TUSC3: variants seen among roughly 807,000 people sequenced by gnomAD.
TUSC3 encodes dolichyl-diphosphooligosaccharide--protein glycosyltransferase subunit TUSC3.
Under a neutral mutation model 44.8 loss-of-function variants are expected in TUSC3, and 45 were observed. The ratio of observed to expected loss-of-function variants is 1.00; its 90% CI spans 0.79 to 1.29. The LOEUF is 1.29. Among genes scored for constraint, TUSC3 ranks in the 50% most tolerant of loss-of-function variants. The pLI is 0.00. For synonymous variants in TUSC3, 212 were observed against 152.9 expected, an observed-to-expected ratio of 1.39 and a Z score of -2.85; for missense variants, 519 against 437.9, an observed-to-expected ratio of 1.19 and a Z score of -1.65.
the TUSC3 span, among the ~76,000 whole-genome samples, chr8:15,840,834 A>G: frequency 2.0e-5 from 3 of 152,230 alleles, no homozygotes; most frequent in Non-Finnish European, 2.9e-5. Flanking sequence ...ATAAAAATTT[A>G]TGCAGTCCCT....
At chr8:15,739,019 G>T (rs982877971) in intron 7 of TUSC3, among the ~76,000 whole-genome samples, 1 of 151,522 alleles carries the variant, frequency 6.6e-6, no homozygotes, top group East Asian at 2.0e-4. Flanking sequence ...TCTTAATAGA[G>T]ACGGGATTTC....
At chr8:15,711,156 C>A (rs1460136558) in intron 6 of TUSC3, among the ~76,000 whole-genome samples, 3 of 151,576 alleles carry the variant, frequency 2.0e-5, no homozygotes, top group Non-Finnish European at 4.4e-5. Flanking sequence ...TCACTACCAG[C>A]ATTTTCCTTG....
chr8:15,581,599 T>C (rs1207834629), intron 1 of TUSC3, among the ~76,000 whole-genome samples: 1 of 149,484 alleles, frequency 6.7e-6, no homozygotes, highest in Non-Finnish European at 1.5e-5. Flanking sequence ...AGTGTGCCCC[T>C]GCTGCGGGGT....
intron 2 of TUSC3, among the ~76,000 whole-genome samples, chr8:15,497,991 C>T (rs1295029120): frequency 2.0e-5 from 3 of 152,006 alleles, no homozygotes; most frequent in East Asian, 1.9e-4. Context: ...TAAAATGATC[C>T]GCCCCCCTTC....
intron 6 of TUSC3, among the ~76,000 whole-genome samples, chr8:15,714,284 C>T (rs543283282): frequency 6.6e-6 from 1 of 152,176 alleles, no homozygotes; most frequent in South Asian, 2.1e-4. Flanking sequence ...GTGTAAATAA[C>T]AAGTGTAGCA....
intron 8 of TUSC3, among the ~76,000 whole-genome samples, chr8:15,746,919 T>C (rs975108123): frequency 6.6e-6 from 1 of 152,094 alleles, no homozygotes; most frequent in Admixed American, 6.6e-5. Context: ...TTTTCAAAAA[T>C]GTTTTTTTTA....
chr8:15,419,026 A>G (rs893409709), intron 1 of TUSC3, among the ~76,000 whole-genome samples: 2 of 152,126 alleles, frequency 1.3e-5, no homozygotes, highest in Non-Finnish European at 2.9e-5. Flanking sequence ...AGAAAAAAAG[A>G]ATTAAAGGTT....
chr8:15,624,883 T>C (rs1182444646), intron 2 of TUSC3, among the ~76,000 whole-genome samples: 1 of 152,136 alleles, frequency 6.6e-6, no homozygotes, highest in East Asian at 1.9e-4. Flanking sequence ...ATCCCAAAGA[T>C]CTTCTCCTGT....
At chr8:15,562,601 G>A (rs568679018) in intron 1 of TUSC3, among the ~76,000 whole-genome samples, 2 of 152,232 alleles carry the variant, frequency 1.3e-5, no homozygotes, top group South Asian at 4.1e-4. Flanking sequence ...GTGAGACCGG[G>A]TTGCGTTCTT....
chr8:15,643,492 C>T (rs1475905545), intron 2 of TUSC3, among the ~76,000 whole-genome samples: 3 of 151,768 alleles, frequency 2.0e-5, no homozygotes, highest in African/African-American at 7.2e-5. Flanking sequence ...TACACTTCAA[C>T]ATATTTTATG....
At chr8:15,478,853 C>T (rs981407890) in intron 1 of TUSC3, among the ~76,000 whole-genome samples, 1 of 152,062 alleles carries the variant, frequency 6.6e-6, no homozygotes. Context: ...TGAGGAATTG[C>T]CACACTGTCT....
At chr8:15,497,755 C>CT (rs1274986047) in intron 2 of TUSC3, among the ~76,000 whole-genome samples, 5 of 143,578 alleles carry the variant, frequency 3.5e-5, no homozygotes, top group Non-Finnish European at 7.6e-5. Context: ...TTTTCTTTTT[C>CT]TTTTTTTGAG....
At chr8:15,846,721 G>T in the TUSC3 span, among the ~76,000 whole-genome samples, 2 of 152,066 alleles carry the variant, frequency 1.3e-5, no homozygotes, top group African/African-American at 4.8e-5. Context: ...GCCTGTGGTG[G>T]GGTGAAGGGC....
intron 1 of TUSC3, among the ~76,000 whole-genome samples, chr8:15,456,124 T>C (rs1800254005): frequency 6.6e-6 from 1 of 152,194 alleles, no homozygotes; most frequent in Non-Finnish European, 1.5e-5. Context: ...AATCATTGCC[T>C]AGCCATCCTC....
At chr8:15,648,200 C>A (rs1380629511) in intron 2 of TUSC3, among the ~76,000 whole-genome samples, 2 of 152,154 alleles carry the variant, frequency 1.3e-5, no homozygotes, top group African/African-American at 4.8e-5. Context: ...TTATTCGACT[C>A]TGTCTTCTAA....
chr8:15,533,654 A>G (rs550530138), intron 2 of TUSC3, among the ~76,000 whole-genome samples: 7 of 152,336 alleles, frequency 4.6e-5, no homozygotes, highest in Admixed American at 3.3e-4. Context: ...AGTAAAAGGT[A>G]GGTTGATTTT....
chr8:15,518,984 C>A (rs1286039682), intron 2 of TUSC3, among the ~76,000 whole-genome samples: 2 of 152,112 alleles, frequency 1.3e-5, no homozygotes, highest in Non-Finnish European at 2.9e-5. Flanking sequence ...TATATTAAAT[C>A]TCTGTATGCA....
chr8:15,835,028 TTA>T, the TUSC3 span, among the ~76,000 whole-genome samples: 2 of 152,186 alleles, frequency 1.3e-5, no homozygotes, highest in East Asian at 3.9e-4. Context: ...AAGCTGGACT[TTA>T]TGTCTCATTT....
the TUSC3 span, among the ~76,000 whole-genome samples, chr8:15,842,601 G>C: frequency 2.3e-3 from 354 of 152,266 alleles, no homozygotes; most frequent in Non-Finnish European, 4.1e-3. Context: ...TGCAAAGCAA[G>C]ATTTGTACAC....
Sources: allele counts gnomAD v4.1 joint callset (sites outside exome capture counted in the v4.1 genomes callset), GRCh38; gene constraint gnomAD v4.1.1; transcripts MANE v1.5; gene names NCBI Gene and HGNC (gene_info 2026-07-23, HGNC 2026-07-21).